Variants in DCDC1 observed in about 807,000 individuals in gnomAD.
The protein encoded by DCDC1 is doublecortin domain containing 1, also known as doublecortin domain-containing protein 1.
Under a neutral mutation model 178.3 loss-of-function variants are expected in DCDC1, and 200 were observed. The observed-to-expected ratio is 1.12, with a 90% CI of 1.00 to 1.26. The LOEUF is 1.26. Ranked by LOEUF, DCDC1 falls within the 50% of genes most tolerant of loss-of-function variation. The pLI is 0.00. For synonymous variants in DCDC1, 690 were observed against 604.8 expected, an observed-to-expected ratio of 1.14 and a Z score of -2.07; for missense variants, 1,983 against 1,749.2, an observed-to-expected ratio of 1.13 and a Z score of -2.38.
At chr11:31,192,802 C>T (rs781430276) in intron 9 of DCDC1, among the ~76,000 whole-genome samples, 7 of 151,934 alleles carry the variant, frequency 4.6e-5, no homozygotes, top group African/African-American at 7.3e-5. Flanking sequence ...ACATTATTTC[C>T]GGTTTTGTCT....
chr11:30,955,151 C>A (rs1415034983), intron 20 of DCDC1, among the ~76,000 whole-genome samples: 2 of 152,070 alleles, frequency 1.3e-5, no homozygotes, highest in African/African-American at 4.8e-5. Flanking sequence ...TTTTGAAAAC[C>A]TTTCTTGTAG....
At chr11:31,056,736 C>A in intron 20 of DCDC1, among the ~76,000 whole-genome samples, 1 of 151,898 alleles carries the variant, frequency 6.6e-6, no homozygotes, top group East Asian at 1.9e-4. Context: ...GAATTTTTAC[C>A]ATACATGTTT....
chr11:30,888,078 G>GAA (rs1269227171), intron 36 of DCDC1, among the ~76,000 whole-genome samples: 158 of 97,770 alleles, frequency 1.6e-3, no homozygotes, highest in Middle Eastern at 0.012. Context: ...GAGAGAGAGA[G>GAA]AGAGAGAAAG....
chr11:30,867,315 T>C (rs1380610092), intron 38 of DCDC1, among the ~76,000 whole-genome samples: 1 of 152,236 alleles, frequency 6.6e-6, no homozygotes, highest in Admixed American at 6.5e-5. Flanking sequence ...CTGCCACTTA[T>C]TGGCTGGTGC....
chr11:31,330,310 T>G lies in DCDC1; in HGVS notation c.-6-2024A>C, dbSNP rs992326942. ...TTCTGGATATAAGCCCTTTGTCAGA[T>G]AGGTAGATGGCAAAAATTTTCTCCC... On this transcript the variant is annotated intron_variant, in intron 2 of 38. Coordinates refer to ENST00000684477, the MANE Select transcript of DCDC1 (RefSeq NM_001387274.1). 5.3e-5 allele frequency among the ~76,000 whole-genome samples: 8 copies of G among 152,192 alleles called. No homozygotes were observed. The South Asian group carries it at 1.7e-3, about 31-fold the overall frequency.
intron 9 of DCDC1, among the ~76,000 whole-genome samples, chr11:31,200,642 A>T (rs1374139000): frequency 6.6e-6 from 1 of 151,968 alleles, no homozygotes; most frequent in African/African-American, 2.4e-5. Flanking sequence ...TTAAAAAATA[A>T]TATTATTTTT....
At chr11:30,995,870 T>A (rs1314565880) in intron 20 of DCDC1, among the ~76,000 whole-genome samples, 3 of 151,628 alleles carry the variant, frequency 2.0e-5, no homozygotes, top group Admixed American at 6.6e-5. Flanking sequence ...TTTAGATACA[T>A]CCCCAAAGGC....
intron 9 of DCDC1, among the ~76,000 whole-genome samples, chr11:31,223,995 C>T (rs528830328): frequency 2.0e-5 from 3 of 152,058 alleles, no homozygotes; most frequent in East Asian, 3.9e-4. Flanking sequence ...CTTTCCCATG[C>T]TAGTCTCATG....
chr11:31,165,399 C>T (rs1966681882), intron 9 of DCDC1, among the ~76,000 whole-genome samples: 1 of 152,024 alleles, frequency 6.6e-6, no homozygotes, highest in African/African-American at 2.4e-5. Flanking sequence ...GGCGTGATCA[C>T]AGCTCACTGC....
rs569036366 is a variant in DCDC1, at chr11:31,305,321, T to C, written c.754+294A>G. On this transcript the variant is annotated intron_variant, in intron 6 of 38. Transcript: ENST00000684477. ...GTGTCACAGAAACTAAACAGTAAAT[T>C]CAATAATCTCTGATTTAATTTATTA... is the stretch of plus-strand genomic sequence containing the variant. Among the ~76,000 whole-genome samples, 160 of 152,280 alleles carry C rather than the reference T, an allele frequency of 1.1e-3. 1 individual carries two copies. The highest frequency in any genetic ancestry group is 1.3e-3 in the Non-Finnish European group (88 of 68,018).
chr11:31,176,793 T>C (rs903471517), intron 9 of DCDC1, among the ~76,000 whole-genome samples: 1 of 152,002 alleles, frequency 6.6e-6, no homozygotes, highest in Non-Finnish European at 1.5e-5. Flanking sequence ...GAATACTATA[T>C]CCACAAAGCT....
chr11:31,213,196 CCAAGAAAGGCA>C (rs1972999795), intron 9 of DCDC1, among the ~76,000 whole-genome samples: 1 of 139,224 alleles, frequency 7.2e-6, no homozygotes, highest in Non-Finnish European at 1.5e-5. Flanking sequence ...TTGCTGTCCT[CCAAGAAAGGCA>C]TGTGGCTCTT....
At chr11:31,000,999 T>C (rs1378197448) in intron 20 of DCDC1, among the ~76,000 whole-genome samples, 1 of 152,196 alleles carries the variant, frequency 6.6e-6, no homozygotes, top group African/African-American at 2.4e-5. Context: ...CAGTTAGTAT[T>C]AACATCCATT....
At chr11:31,163,954 A>ATAGTT (rs1966543477) in intron 9 of DCDC1, among the ~76,000 whole-genome samples, 1 of 152,140 alleles carries the variant, frequency 6.6e-6, no homozygotes, top group South Asian at 2.1e-4. Context: ...CTTTTCTTAG[A>ATAGTT]CAGTCCTATT....
intron 1 of DCDC1, among the ~76,000 whole-genome samples, chr11:31,341,414 G>GATAC (rs1375447757): frequency 2.0e-4 from 29 of 148,182 alleles, no homozygotes; most frequent in Non-Finnish European, 1.5e-4. Flanking sequence ...TAGATAGATA[G>GATAC]ATAGATAGAT....
chr11:31,280,648 A>C, intron 7 of DCDC1: 1 of 489,792 alleles, frequency 2.0e-6, no homozygotes, highest in South Asian at 1.8e-5. Context: ...TTTTGTAATA[A>C]ATAAGGCAGT....
Position 31,015,214 on chromosome 11 carries a change from C to G in DCDC1, c.2591+49255G>C, listed in dbSNP as rs577265654. On this transcript the variant is annotated intron_variant, in intron 20 of 38. Coordinates refer to ENST00000684477, the MANE Select transcript of DCDC1 (RefSeq NM_001387274.1). ...CCACCAGCCTCGGCCTCCCAAAGTG[C>G]TGGGATTACAGGCTTCAGCCACCGT... is the stretch of plus-strand genomic sequence containing the variant. Among the ~76,000 whole-genome samples, 217 of 152,242 alleles carry G rather than the reference C, an allele frequency of 1.4e-3. 2 individuals are homozygous for G. The highest frequency in any genetic ancestry group is 6.8e-3 in the Middle Eastern group (2 of 294).
At chr11:31,130,146 T>G (rs1253101997) in intron 10 of DCDC1, among the ~76,000 whole-genome samples, 1 of 152,184 alleles carries the variant, frequency 6.6e-6, no homozygotes, top group East Asian at 1.9e-4. Flanking sequence ...GCCATAGTTT[T>G]ATGACTCATT....
chr11:30,934,161 C>A (rs1947114012), intron 21 of DCDC1, among the ~76,000 whole-genome samples: 1 of 152,132 alleles, frequency 6.6e-6, no homozygotes, highest in South Asian at 2.1e-4. Flanking sequence ...TAGTTGACCA[C>A]CAGAAGAGTG....
Sources: gnomAD v4.1 joint callset for allele counts (sites outside exome capture counted in the v4.1 genomes callset) on GRCh38, gnomAD v4.1.1 for gene constraint, MANE v1.5 for transcripts, NCBI Gene and HGNC (gene_info 2026-07-23, HGNC 2026-07-21) for gene names.